The following ADAMTSL1 variants were observed in gnomAD, a reference collection of about 807,000 sequenced individuals.
ADAMTSL1 encodes the protein ADAMTS-like protein 1.
In ADAMTSL1, 126 loss-of-function variants were observed where a neutral mutation model predicts 201.8. The ratio of observed to expected loss-of-function variants is 0.62; its 90% CI spans 0.54 to 0.72. The LOEUF is 0.72. ADAMTSL1 is among the 30% of genes least tolerant of loss of function. ADAMTSL1 has a pLI of 0.00. For missense variants in ADAMTSL1, 2,679 were observed against 2,277.8 expected (o/e 1.18, Z -3.59); for synonymous variants, 1,121 against 903.4 (o/e 1.24, Z -4.32).
intron 1 of ADAMTSL1, among the ~76,000 whole-genome samples, chr9:18,138,417 G>T (rs1404673461): frequency 6.6e-6 from 1 of 152,064 alleles, no homozygotes; most frequent in African/African-American, 2.4e-5. Context: ...GCTACTTTTA[G>T]GGAGTAACGA....
chr9:18,581,645 C>A (rs551430715), intron 4 of ADAMTSL1, among the ~76,000 whole-genome samples: 1 of 152,022 alleles, frequency 6.6e-6, no homozygotes, highest in Non-Finnish European at 1.5e-5. Context: ...CATTTGAAAC[C>A]AAAAATAAGT....
intron 3 of ADAMTSL1, among the ~76,000 whole-genome samples, chr9:18,557,837 CACTT>C (rs1821196233): frequency 6.6e-6 from 1 of 152,012 alleles, no homozygotes; most frequent in Non-Finnish European, 1.5e-5. Context: ...CACCCTTTCT[CACTT>C]GTCTTTTTTT....
At chr9:18,123,085 A>G (rs531316375) in intron 1 of ADAMTSL1, among the ~76,000 whole-genome samples, 7 of 152,176 alleles carry the variant, frequency 4.6e-5, no homozygotes, top group South Asian at 2.1e-4. Context: ...GCTTTTTGTC[A>G]TGTGTGACAA....
intron 2 of ADAMTSL1, among the ~76,000 whole-genome samples, chr9:18,297,349 TTTTTTCTTTTTTTC>T (rs1833515237): frequency 6.6e-6 from 1 of 152,036 alleles, no homozygotes; most frequent in African/African-American, 2.4e-5. Flanking sequence ...ACCAACTAAC[TTTTTTCTTTTTTTC>T]TTTTTCTTTT....
chr9:18,110,265 C>G (rs1460594576), intron 1 of ADAMTSL1, among the ~76,000 whole-genome samples: 2 of 152,162 alleles, frequency 1.3e-5, no homozygotes, highest in Non-Finnish European at 2.9e-5. Context: ...TCTCAGCTCT[C>G]TGGCATCTCA....
intron 26 of ADAMTSL1, among the ~76,000 whole-genome samples, chr9:18,898,756 C>G (rs1010974514): frequency 2.6e-5 from 4 of 152,168 alleles, no homozygotes; most frequent in Non-Finnish European, 1.5e-5. Flanking sequence ...TCAACATCAC[C>G]TTCATCTTAA....
At chr9:18,124,107 G>C (rs1825631810) in intron 1 of ADAMTSL1, among the ~76,000 whole-genome samples, 1 of 116,062 alleles carries the variant, frequency 8.6e-6, no homozygotes, top group Non-Finnish European at 1.7e-5. Context: ...TTTTGAGATG[G>C]AGTTTTTGCT....
At chr9:18,803,846 T>G (rs1202348901) in intron 20 of ADAMTSL1, among the ~76,000 whole-genome samples, 1 of 152,196 alleles carries the variant, frequency 6.6e-6, no homozygotes, top group Non-Finnish European at 1.5e-5. Flanking sequence ...ACTTTCCAGA[T>G]AGAGTCAGAG....
chr9:18,034,389 G>A (rs1821104942), intron 1 of ADAMTSL1, among the ~76,000 whole-genome samples: 1 of 151,874 alleles, frequency 6.6e-6, no homozygotes, highest in South Asian at 2.1e-4. Flanking sequence ...CTCCTCTCTG[G>A]CCATCTTGCT....
chr9:18,777,951 C>G, intron 19 of ADAMTSL1, 45 bp downstream of exon 19: 1 of 1,513,780 alleles, frequency 6.6e-7, no homozygotes, highest in Admixed American at 2.2e-5. Context: ...GGCAAGGGGC[C>G]ACATCTGGCC....
At chr9:18,608,671 C>T (rs1442365769) in intron 4 of ADAMTSL1, among the ~76,000 whole-genome samples, 1 of 152,162 alleles carries the variant, frequency 6.6e-6, no homozygotes, top group African/African-American at 2.4e-5. Context: ...TTGCTACCTC[C>T]AGCTACTTCC....
intron 5 of ADAMTSL1, among the ~76,000 whole-genome samples, chr9:18,625,445 C>T (rs1826304622): frequency 6.6e-6 from 1 of 152,022 alleles, no homozygotes. Flanking sequence ...TATTAAAAGA[C>T]ATTACAATTG....
intron 21 of ADAMTSL1, among the ~76,000 whole-genome samples, chr9:18,819,323 G>T (rs1824061370): frequency 6.6e-6 from 1 of 152,076 alleles, no homozygotes; most frequent in South Asian, 2.1e-4. Context: ...AGGCATGGTG[G>T]CAAGTGCCTG....
At position 18,542,886 on chromosome 9, in the gene ADAMTSL1, G is replaced by A. The variant is rs540043945; in HGVS notation, c.237+9594G>A. ...ATCAGCCTTATTCTATGGCATCATG[G>A]GTAATTTCTCCTGATTGTTTTGCCA... is the stretch of plus-strand genomic sequence containing the variant. On this transcript the variant is annotated intron_variant, in intron 3 of 28. Coordinates refer to ENST00000380548, the MANE Select transcript of ADAMTSL1 (RefSeq NM_001040272.6). 3.9e-5 allele frequency among the ~76,000 whole-genome samples: 6 copies of A among 152,228 alleles called. No individual in the cohort carries two copies. The South Asian group carries it at 8.3e-4, about 21-fold the overall frequency.
At chr9:18,610,967 G>C (rs547440302) in intron 4 of ADAMTSL1, among the ~76,000 whole-genome samples, 1 of 152,230 alleles carries the variant, frequency 6.6e-6, no homozygotes, top group South Asian at 2.1e-4. Flanking sequence ...GGAGGTACAC[G>C]TGTGAGTTCC....
intron 1 of ADAMTSL1, among the ~76,000 whole-genome samples, chr9:18,492,960 A>C (rs995666908): frequency 1.3e-5 from 2 of 152,194 alleles, no homozygotes; most frequent in Non-Finnish European, 2.9e-5. Context: ...AACATTTTAA[A>C]ATTAAAAGTG....
chr9:18,822,504 G>C (rs913208456), intron 21 of ADAMTSL1, among the ~76,000 whole-genome samples: 1 of 152,214 alleles, frequency 6.6e-6, no homozygotes, highest in Non-Finnish European at 1.5e-5. Context: ...TTAAGATGGG[G>C]ACTGTTGGCA....
intron 1 of ADAMTSL1, among the ~76,000 whole-genome samples, chr9:17,973,028 A>G (rs1588502302): frequency 7.1e-6 from 1 of 141,402 alleles, no homozygotes; most frequent in Middle Eastern, 3.6e-3. Flanking sequence ...TTTTTCTTGT[A>G]AATTTGTTTG....
Position 18,706,980 on chromosome 9 carries a change from A to C in ADAMTSL1, c.1808A>C (p.Gln603Pro). The change falls in exon 14 of 29, where the codon CAG becomes CCG. Residue 603 changes from glutamine to proline, a missense_variant. Coordinates refer to ENST00000380548, the MANE Select transcript of ADAMTSL1 (RefSeq NM_001040272.6). ...ACAGATGGGCTCTTTGGTGGCCTGCAGGATTTCGACGAGCTGTATGACTGG... is the reference window on the plus strand; with the variant it reads ...ACAGATGGGCTCTTTGGTGGCCTGCCGGATTTCGACGAGCTGTATGACTGG... ...DETDGLFGGL[Q>P]DFDELYDWEY... 1 of 1,613,982 alleles carries C rather than the reference A, an allele frequency of 6.2e-7. No homozygotes were observed. Among genetic ancestry groups the C allele is most frequent in the Non-Finnish European group, 8.5e-7 (1 of 1,179,884 alleles).
Sources: gnomAD v4.1 joint callset for allele counts (sites outside exome capture counted in the v4.1 genomes callset) on GRCh38, gnomAD v4.1.1 for gene constraint, MANE v1.5 for transcripts, NCBI Gene and HGNC (gene_info 2026-07-23, HGNC 2026-07-21) for gene names.